The following PIK3C3 variants were observed in gnomAD, a reference collection of about 807,000 sequenced individuals.
PIK3C3 encodes phosphatidylinositol 3-kinase catalytic subunit type 3.
Under a neutral mutation model 126.1 loss-of-function variants are expected in PIK3C3, and 95 were observed. The ratio of observed to expected loss-of-function variants is 0.75; its 90% confidence interval spans 0.64 to 0.89. PIK3C3 has a LOEUF of 0.89. PIK3C3 is among the 40% of genes least tolerant of loss of function. The pLI is 0.00. For missense variants in PIK3C3, 829 were observed against 1,063.2 expected (o/e 0.78, Z 3.06); for synonymous variants, 374 against 360.0 (o/e 1.04, Z -0.44).
At chr18:41,975,895 C>G (rs781316341) in intron 4 of PIK3C3, among the ~76,000 whole-genome samples, 1 of 151,948 alleles carries the variant, frequency 6.6e-6, no homozygotes, top group Non-Finnish European at 1.5e-5. Context: ...AGAAATGGGG[C>G]TTCATTGTGT....
At chr18:42,028,271 T>G (rs888965552) in intron 14 of PIK3C3, among the ~76,000 whole-genome samples, 1 of 152,250 alleles carries the variant, frequency 6.6e-6, no homozygotes, top group African/African-American at 2.4e-5. Flanking sequence ...ATTGTGTATC[T>G]TTCTTATCAA....
chr18:41,972,692 T>C (rs1319939060), intron 4 of PIK3C3, among the ~76,000 whole-genome samples: 1 of 152,028 alleles, frequency 6.6e-6, no homozygotes. Flanking sequence ...TCAAAATGAG[T>C]AATTACTTTT....
At chr18:42,068,093 A>G (rs1395976143) in intron 24 of PIK3C3, among the ~76,000 whole-genome samples, 1 of 152,064 alleles carries the variant, frequency 6.6e-6, no homozygotes, top group African/African-American at 2.4e-5. Flanking sequence ...TCTCCTGTGA[A>G]CTCCTTCCTG....
At chr18:41,999,495 T>G (rs1395985078) in intron 9 of PIK3C3, among the ~76,000 whole-genome samples, 1 of 152,148 alleles carries the variant, frequency 6.6e-6, no homozygotes, top group African/African-American at 2.4e-5. Context: ...AATCATCATA[T>G]TTGTGTCTCC....
chr18:42,017,760 T>A (rs1983140384), intron 12 of PIK3C3, among the ~76,000 whole-genome samples: 1 of 152,084 alleles, frequency 6.6e-6, no homozygotes, highest in African/African-American at 2.4e-5. Flanking sequence ...ATCTTCTCAA[T>A]ATTTTGTTGC....
Position 41,958,710 on chromosome 18 carries a change from G to T in PIK3C3, c.257+952G>T, listed in dbSNP as rs1008542968. Among the ~76,000 whole-genome samples, 3 of 151,894 alleles carry T rather than the reference G, an allele frequency of 2.0e-5. No homozygotes were observed. In the South Asian group the frequency reaches 6.3e-4, roughly 32 times the overall value. ...ATATATATGTGTGTATATAGATATAGATATATATGTATATAGATATGTGTG... is the reference window on the plus strand; with the variant it reads ...ATATATATGTGTGTATATAGATATATATATATATGTATATAGATATGTGTG... On this transcript the variant is annotated intron_variant, in intron 2 of 24. Transcript: ENST00000262039.
chr18:41,996,578 T>C, intron 8 of PIK3C3, 60 bp from the exon 9 acceptor site: 1 of 692,456 alleles, frequency 1.4e-6, no homozygotes, highest in Non-Finnish European at 2.4e-6. Flanking sequence ...TTAAGTGAAA[T>C]GGAAATATAT....
chr18:41,975,070 G>A (rs1212188006), intron 4 of PIK3C3, among the ~76,000 whole-genome samples: 1 of 152,210 alleles, frequency 6.6e-6, no homozygotes. Flanking sequence ...TTGTTGAGTA[G>A]AGTATAGAGG....
intron 22 of PIK3C3, among the ~76,000 whole-genome samples, chr18:42,063,162 A>G (rs780970706): frequency 6.6e-6 from 1 of 151,104 alleles, no homozygotes; most frequent in Admixed American, 6.6e-5. Context: ...CCTCTCTCTC[A>G]TTTTCCCATT....
In PIK3C3 at chr18:42,029,417, C is replaced by T. The variant is rs769105902; in HGVS notation, c.1683C>T (p.Arg561=). The T allele has an allele frequency of 2.6e-5, 42 of 1,608,744 alleles. No homozygotes were observed. Among genetic ancestry groups the T allele is most frequent in the African/African-American group, 1.1e-4 (8 of 74,544 alleles). Residue 561 remains arginine, a synonymous_variant, in exon 15 of 25, where the codon CGC becomes CGT. Coordinates refer to ENST00000262039, the MANE Select transcript of PIK3C3 (RefSeq NM_002647.4). The part of the protein sequence containing the change: ...RLVHLMKAVQ[R]ESGNRKKKNE... ...TGCATCTAATGAAGGCAGTACAACG[C>T]GAAAGTGGAAATCGTAAGAAAAAGG... is the stretch of plus-strand genomic sequence containing the variant.
chr18:42,051,574 G>A (rs1169217157), intron 21 of PIK3C3, among the ~76,000 whole-genome samples: 1 of 152,096 alleles, frequency 6.6e-6, no homozygotes, highest in East Asian at 1.9e-4. Context: ...TTGCATGGGT[G>A]ATGTCATGTC....
At chr18:42,012,491 A>C (rs1343946125) in intron 10 of PIK3C3, among the ~76,000 whole-genome samples, 1 of 152,216 alleles carries the variant, frequency 6.6e-6, no homozygotes, top group African/African-American at 2.4e-5. Flanking sequence ...AGGGTGAATG[A>C]CAATTAGAAT....
At chr18:41,986,321 C>T (rs117362909) in intron 4 of PIK3C3, among the ~76,000 whole-genome samples, 362 of 152,132 alleles carry the variant, frequency 2.4e-3, no homozygotes, top group Admixed American at 5.7e-3. Flanking sequence ...ACTGTTACTT[C>T]GTTCGTACAA....
At chr18:42,009,024 G>A (rs4121817) in intron 10 of PIK3C3, among the ~76,000 whole-genome samples, 24,389 of 152,000 alleles carry the variant, frequency 0.16, 2,109 homozygotes, top group East Asian at 0.29. Flanking sequence ...ATGAAGGCTG[G>A]CAGTGAAACT....
intron 21 of PIK3C3, among the ~76,000 whole-genome samples, chr18:42,057,189 TAAC>T (rs1985108363): frequency 1.3e-5 from 2 of 152,042 alleles, no homozygotes; most frequent in South Asian, 4.2e-4. Flanking sequence ...TAGTAAAATT[TAAC>T]AACATTAAAA....
intron 21 of PIK3C3, among the ~76,000 whole-genome samples, chr18:42,055,999 G>A (rs1315523772): frequency 6.6e-6 from 1 of 152,036 alleles, no homozygotes; most frequent in African/African-American, 2.4e-5. Flanking sequence ...TTAACAACCA[G>A]TTTGTTTTAT....
At chr18:42,011,821 T>C (rs1003315448) in intron 10 of PIK3C3, among the ~76,000 whole-genome samples, 3 of 152,202 alleles carry the variant, frequency 2.0e-5, no homozygotes, top group African/African-American at 7.2e-5. Flanking sequence ...ACACTTATTG[T>C]GCACTGTAGG....
chr18:41,999,460 G>A (rs770751376), intron 9 of PIK3C3, among the ~76,000 whole-genome samples: 2 of 152,086 alleles, frequency 1.3e-5, no homozygotes, highest in Non-Finnish European at 2.9e-5. Context: ...TTATAAGGCT[G>A]TTTCTGAGAC....
chr18:41,956,263 A>C (rs569112557), intron 1 of PIK3C3, among the ~76,000 whole-genome samples: 1 of 152,306 alleles, frequency 6.6e-6, no homozygotes, highest in East Asian at 1.9e-4. Context: ...TGATCATTTC[A>C]TTTTATTTTC....
Sources: gnomAD v4.1 joint callset for allele counts (sites outside exome capture counted in the v4.1 genomes callset) on GRCh38, gnomAD v4.1.1 for gene constraint, MANE v1.5 for transcripts, NCBI Gene and HGNC (gene_info 2026-07-23, HGNC 2026-07-21) for gene names.